The following CCDC178 variants were observed in gnomAD, a reference collection of about 807,000 sequenced individuals.
CCDC178 encodes coiled-coil domain-containing protein 178.
Under a neutral mutation model 117.4 loss-of-function variants are expected in CCDC178, and 126 were observed. The ratio of observed to expected loss-of-function variants is 1.07; its 90% CI spans 0.93 to 1.24. The LOEUF is 1.24. CCDC178 is among the 50% of genes most tolerant of loss of function. CCDC178 has a pLI of 0.00. For synonymous variants in CCDC178, 283 were observed against 313.4 expected (o/e 0.90, Z 1.02); for missense variants, 1,030 against 986.9 (o/e 1.04, Z -0.59).
rs553973752 is a variant in CCDC178 at position 33,149,551 on chromosome 18, C to T, written c.2239-56641G>A. On this transcript the variant is annotated intron_variant, in intron 20 of 22. Transcript: ENST00000383096. ...CCAACACTATCAGAGATACTCTGAC[C>T]TTTGCCTCAGACACCAGGCAAAGTT... 5.7e-4 allele frequency among the ~76,000 whole-genome samples: 87 copies of T among 152,226 alleles called. 1 individual carries two copies. Among genetic ancestry groups the T allele is most frequent in the Middle Eastern group, 3.4e-3 (1 of 294 alleles).
At chr18:33,179,260 G>A (rs1598968045) in intron 20 of CCDC178, among the ~76,000 whole-genome samples, 2 of 149,400 alleles carry the variant, frequency 1.3e-5, no homozygotes, top group Admixed American at 1.3e-4. Flanking sequence ...TTACAGTTTT[G>A]TAAAAAATAT....
chr18:33,014,407 G>T (rs939772308), intron 21 of CCDC178, among the ~76,000 whole-genome samples: 1 of 152,176 alleles, frequency 6.6e-6, no homozygotes, highest in Non-Finnish European at 1.5e-5. Context: ...CTAGCAAGAG[G>T]CTAACTGAAA....
intron 20 of CCDC178, among the ~76,000 whole-genome samples, chr18:33,180,333 CT>C (rs1489139059): frequency 1.3e-5 from 2 of 151,734 alleles, no homozygotes; most frequent in Non-Finnish European, 2.9e-5. Context: ...AATGTTAATA[CT>C]TTTTTATTAA....
chr18:33,164,126 A>G (rs866022063), intron 20 of CCDC178, among the ~76,000 whole-genome samples: 1 of 121,492 alleles, frequency 8.2e-6, no homozygotes, highest in African/African-American at 3.4e-5. Flanking sequence ...TTTTTTTTTT[A>G]AACAGAGTTT....
At chr18:33,127,878 T>C (rs1461488967) in intron 20 of CCDC178, among the ~76,000 whole-genome samples, 1 of 152,126 alleles carries the variant, frequency 6.6e-6, no homozygotes, top group Admixed American at 6.5e-5. Flanking sequence ...AGTCACCCAC[T>C]ATCTCTGGAT....
At chr18:33,212,333 A>T (rs1381586983) in intron 19 of CCDC178, among the ~76,000 whole-genome samples, 8 of 152,012 alleles carry the variant, frequency 5.3e-5, no homozygotes, top group Non-Finnish European at 1.0e-4. Context: ...CCCCTCCTCC[A>T]AGAGATATAT....
At chr18:32,998,738 A>G (rs1259211519) in intron 21 of CCDC178, among the ~76,000 whole-genome samples, 1 of 152,124 alleles carries the variant, frequency 6.6e-6, no homozygotes, top group Non-Finnish European at 1.5e-5. Flanking sequence ...CCAGAAAGGA[A>G]CCGTTGCCTT....
At chr18:33,284,916 T>TGCACACACACACACACAG (rs1386102578) in intron 12 of CCDC178, among the ~76,000 whole-genome samples, 4 of 148,882 alleles carry the variant, frequency 2.7e-5, no homozygotes, top group Admixed American at 2.7e-4. Flanking sequence ...AAAGAAAGAA[T>TGCACACACACACACACAG]GCACACACAC....
chr18:33,387,493 G>A lies in CCDC178; in HGVS notation c.208+2047C>T, dbSNP rs144760843. Among the ~76,000 whole-genome samples the A allele has an allele frequency of 5.3e-5, 8 of 152,190 alleles. No individual in the cohort carries two copies. In the East Asian group the frequency reaches 1.4e-3, roughly 26 times the overall value. On this transcript the variant is annotated intron_variant, in intron 5 of 22. Transcript: ENST00000383096. ...AGGCTACAGTAACAAAAACAGCATG[G>A]TACTGGTACAAAAACAGGCACATAG...
chr18:33,411,719 T>C (rs575058245), intron 3 of CCDC178, among the ~76,000 whole-genome samples: 1 of 152,322 alleles, frequency 6.6e-6, no homozygotes, highest in African/African-American at 2.4e-5. Flanking sequence ...ACCAGTGGAA[T>C]GGAATCGAGA....
chr18:33,059,364 C>A lies in CCDC178; in HGVS notation c.2388+33397G>T, dbSNP rs187204141. On this transcript the variant is annotated intron_variant, in intron 21 of 22. Coordinates refer to ENST00000383096, the MANE Select transcript of CCDC178 (RefSeq NM_001105528.4). ...ATATTGATAACTGCTTACTCTGCAT[C>A]GTCACTTCCTCAAACTTAACACATC... 1.5e-3 allele frequency among the ~76,000 whole-genome samples: 235 copies of A among 152,236 alleles called. 1 individual carries two copies. Among genetic ancestry groups the A allele is most frequent in the African/African-American group, 5.5e-3 (230 of 41,564 alleles).
intron 6 of CCDC178, among the ~76,000 whole-genome samples, chr18:33,366,129 T>C (rs538604885): frequency 1.3e-4 from 20 of 152,162 alleles, no homozygotes; most frequent in African/African-American, 4.3e-4. Context: ...TCAGTGTACG[T>C]TATACCCAGG....
Position 33,323,628 on chromosome 18 carries a change from C to A in CCDC178, c.885G>T (p.Met295Ile). ...CTTCATTAACTTTTCTGTGTAGGTC[C>A]ATTACCTAGAAATGAAAATATTTTT... ...KNHYKKKMEV[M>I]DLHRKVNEEL... The change falls in exon 11 of 23, where the codon ATG becomes ATT. Residue 295 changes from methionine to isoleucine, a missense_variant. Met to Ile is a conservative substitution (Grantham distance 10). Transcript: ENST00000383096. 1 of 1,493,426 alleles carries A rather than the reference C, an allele frequency of 6.7e-7. No individual in the cohort carries two copies. The highest frequency in any genetic ancestry group is 8.9e-7 in the Non-Finnish European group (1 of 1,123,090). The allele number at this position is 1,493,426 out of a possible 1,614,324, so 92.5% of individuals were successfully genotyped here. A position where few individuals can be genotyped will look rare whatever the true frequency, so the allele number is the denominator to read the frequency against.
At position 32,971,166 on chromosome 18, in the gene CCDC178, C is replaced by CT. The variant is rs575540480; in HGVS notation, c.2523+3380dup. On this transcript the variant is annotated intron_variant, in intron 22 of 22. Coordinates refer to ENST00000383096, the MANE Select transcript of CCDC178 (RefSeq NM_001105528.4). ...TTAGGTATTTGTCCTAATGTTCTCCCTCCCCTTACCCCCCACCCCACTACA... is the reference window on the plus strand; with the variant it reads ...TTAGGTATTTGTCCTAATGTTCTCCCTTCCCCTTACCCCCCACCCCACTACA... Among the ~76,000 whole-genome samples, 11 of 152,096 alleles carry CT rather than the reference C, an allele frequency of 7.2e-5. No individual in the cohort carries two copies. In the South Asian group the frequency reaches 2.3e-3, roughly 32 times the overall value.
At chr18:33,045,384 G>T (rs952946784) in intron 21 of CCDC178, among the ~76,000 whole-genome samples, 1 of 152,076 alleles carries the variant, frequency 6.6e-6, no homozygotes, top group African/African-American at 2.4e-5. Context: ...AGCCATACTT[G>T]TGTGTCTCTA....
At chr18:33,108,340 A>C in intron 20 of CCDC178, among the ~76,000 whole-genome samples, 1 of 151,634 alleles carries the variant, frequency 6.6e-6, no homozygotes, top group East Asian at 1.9e-4. Flanking sequence ...ATTTTAAAAA[A>C]TTATGTTTTG....
intron 14 of CCDC178, among the ~76,000 whole-genome samples, chr18:33,251,719 G>C (rs1306287428): frequency 2.6e-5 from 4 of 151,612 alleles, no homozygotes; most frequent in Admixed American, 2.6e-4. Flanking sequence ...GTAACTGTGG[G>C]CATTTTGTAT....
chr18:33,311,159 G>C (rs929775568), intron 11 of CCDC178, among the ~76,000 whole-genome samples: 4 of 151,980 alleles, frequency 2.6e-5, no homozygotes, highest in Non-Finnish European at 4.4e-5. Context: ...CCTCACTGGA[G>C]CAGGAAAACA....
chr18:33,389,094 T>C (rs1170671354), intron 5 of CCDC178, among the ~76,000 whole-genome samples: 1 of 152,100 alleles, frequency 6.6e-6, no homozygotes, highest in Non-Finnish European at 1.5e-5. Flanking sequence ...TGGCATGTGT[T>C]TACCTATGTA....
Sources: allele counts gnomAD v4.1 joint callset (sites outside exome capture counted in the v4.1 genomes callset), GRCh38; gene constraint gnomAD v4.1.1; transcripts MANE v1.5; gene names NCBI Gene and HGNC (gene_info 2026-07-23, HGNC 2026-07-21).